The following RARB variants were observed in gnomAD, a reference collection of about 807,000 sequenced individuals.
RARB encodes HBV-activated protein.
RARB carries 17 observed loss-of-function variants against 51.9 expected under a neutral mutation model. The observed-to-expected ratio is 0.33, with a 90% CI of 0.22 to 0.49. RARB has a LOEUF of 0.49. RARB is among the 20% of genes least tolerant of loss of function. RARB has a pLI of 0.99. For missense variants in RARB, 369 were observed against 550.8 expected (o/e 0.67, Z 3.30); for synonymous variants, 215 against 195.4 (o/e 1.10, Z -0.84).
At chr3:25,382,824 C>G (rs1706670129) in intron 5 of RARB, among the ~76,000 whole-genome samples, 1 of 152,178 alleles carries the variant, frequency 6.6e-6, no homozygotes, top group Non-Finnish European at 1.5e-5. Context: ...TGCCACGGCA[C>G]TCCAGCCTGG....
At chr3:25,321,415 C>T (rs763398384) in intron 5 of RARB, among the ~76,000 whole-genome samples, 1 of 151,952 alleles carries the variant, frequency 6.6e-6, no homozygotes, top group South Asian at 2.1e-4. Flanking sequence ...ATAAAAATAA[C>T]ATTTTTAAAT....
At chr3:25,197,007 T>A (rs1701258635) in intron 5 of RARB, among the ~76,000 whole-genome samples, 1 of 152,226 alleles carries the variant, frequency 6.6e-6, no homozygotes, top group Non-Finnish European at 1.5e-5. Flanking sequence ...TTTTCTCCCA[T>A]TCTGTAGGTT....
intron 5 of RARB, among the ~76,000 whole-genome samples, chr3:25,415,194 G>A (rs1707669263): frequency 6.6e-6 from 1 of 152,096 alleles, no homozygotes; most frequent in South Asian, 2.1e-4. Context: ...AATAGAAGTT[G>A]TAAATTATAA....
rs147912609 is a variant in RARB at position 25,296,594 on chromosome 3, A to T, written c.178+122019A>T. Among the ~76,000 whole-genome samples the T allele has an allele frequency of 2.6e-5, 4 of 152,292 alleles. No homozygotes were observed. The East Asian group carries it at 7.7e-4, about 29-fold the overall frequency. On this transcript the variant is annotated intron_variant, in intron 5 of 11. Transcript: ENST00000383772. Reference sequence around the variant, plus strand: ...CTTAGTTTAATTATTGTAATTATTCAGTGGTAAAGGTCTGGCAGAGAAAGA... The same window carrying T: ...CTTAGTTTAATTATTGTAATTATTCTGTGGTAAAGGTCTGGCAGAGAAAGA...
intron 3 of RARB, among the ~76,000 whole-genome samples, chr3:25,085,828 A>T (rs9864928): frequency 6.6e-6 from 1 of 151,964 alleles, no homozygotes; most frequent in Non-Finnish European, 1.5e-5. Flanking sequence ...AGTGTAGCTG[A>T]AATTCCTTTG....
chr3:25,220,487 A>G (rs1032436232), intron 5 of RARB, among the ~76,000 whole-genome samples: 1 of 152,200 alleles, frequency 6.6e-6, no homozygotes, highest in Non-Finnish European at 1.5e-5. Flanking sequence ...TCTCAAAATT[A>G]TAATCCCCAT....
chr3:25,068,695 C>A (rs899756153), intron 3 of RARB, among the ~76,000 whole-genome samples: 3 of 152,114 alleles, frequency 2.0e-5, no homozygotes, highest in African/African-American at 7.2e-5. Flanking sequence ...TGCAGTCCCT[C>A]AGCACAAAGC....
At chr3:25,170,683 C>A (rs948729412) in intron 4 of RARB, among the ~76,000 whole-genome samples, 1 of 152,006 alleles carries the variant, frequency 6.6e-6, no homozygotes, top group African/African-American at 2.4e-5. Context: ...GAATGAAATG[C>A]AACAGAAAAT....
At chr3:25,455,851 G>T (rs1007311059) in intron 1 of RARB, among the ~76,000 whole-genome samples, 14 of 152,222 alleles carry the variant, frequency 9.2e-5, no homozygotes, top group African/African-American at 2.9e-4. Context: ...ACAGAACTGA[G>T]TAAGTCCATA....
intron 2 of RARB, among the ~76,000 whole-genome samples, chr3:24,974,317 A>G (rs73034896): frequency 6.0e-4 from 91 of 152,190 alleles, no homozygotes; most frequent in Non-Finnish European, 1.1e-3. Context: ...TTTTAAACGC[A>G]TTGTTGAATT....
chr3:25,018,255 TCAGA>T, intron 2 of RARB, among the ~76,000 whole-genome samples: 2 of 56,252 alleles, frequency 3.6e-5, no homozygotes, highest in East Asian at 9.9e-4. Flanking sequence ...TACAGTTAGA[TCAGA>T]TTTCCTGAAA....
intron 3 of RARB, among the ~76,000 whole-genome samples, chr3:25,514,077 G>C (rs1575477334): frequency 1.3e-5 from 2 of 152,250 alleles, no homozygotes; most frequent in Middle Eastern, 3.4e-3. Flanking sequence ...ATAGCAACCT[G>C]AAATTCTCCT....
chr3:24,991,888 C>T (rs1463928382), intron 2 of RARB, among the ~76,000 whole-genome samples: 1 of 152,104 alleles, frequency 6.6e-6, no homozygotes, highest in African/African-American at 2.4e-5. Flanking sequence ...CTATCTCCCC[C>T]TGCCCCCAGC....
chr3:25,407,167 A>G (rs1352826950), intron 5 of RARB, among the ~76,000 whole-genome samples: 2 of 152,144 alleles, frequency 1.3e-5, no homozygotes, highest in Admixed American at 1.3e-4. Flanking sequence ...GCAGTTCCCC[A>G]CTGCCTATAG....
At chr3:25,385,897 G>A (rs1042437060) in intron 5 of RARB, among the ~76,000 whole-genome samples, 10 of 152,154 alleles carry the variant, frequency 6.6e-5, no homozygotes, top group South Asian at 4.1e-4. Flanking sequence ...CAGATACACC[G>A]TGATCAGTGC....
chr3:24,928,719 G>T (rs956085977), intron 2 of RARB, among the ~76,000 whole-genome samples: 1 of 151,936 alleles, frequency 6.6e-6, no homozygotes, highest in African/African-American at 2.4e-5. Context: ...GATACTTGGG[G>T]ATAATTCACT....
chr3:25,365,769 C>T (rs1328969435), intron 5 of RARB, among the ~76,000 whole-genome samples: 2 of 152,306 alleles, frequency 1.3e-5, no homozygotes, highest in African/African-American at 2.4e-5. Flanking sequence ...TTCCTCACAA[C>T]CATGGAGACC....
At chr3:24,888,674 T>C (rs1039764374) in intron 2 of RARB, among the ~76,000 whole-genome samples, 2 of 152,186 alleles carry the variant, frequency 1.3e-5, no homozygotes, top group Admixed American at 1.3e-4. Context: ...GTTAGCTTAG[T>C]ATTTATAATG....
In RARB at chr3:24,832,290, C is replaced by T. The variant is rs115061907; in HGVS notation, c.-459+2887C>T. ...CAGTGATTGAATATCCCTTTTCCTT[C>T]CCATACAAATATGCTGATCTCATGT... On this transcript the variant is annotated intron_variant, in intron 1 of 11. Transcript: ENST00000383772. Among the ~76,000 whole-genome samples the T allele has an allele frequency of 3.3e-5, 5 of 152,142 alleles. No homozygotes were observed. The East Asian group carries it at 5.8e-4, about 18-fold the overall frequency.
Sources: allele counts gnomAD v4.1 joint callset (sites outside exome capture counted in the v4.1 genomes callset), GRCh38; gene constraint gnomAD v4.1.1; transcripts MANE v1.5; gene names NCBI Gene and HGNC (gene_info 2026-07-23, HGNC 2026-07-21).